NDUFAF2: variants seen among roughly 807,000 people sequenced by gnomAD.
The protein encoded by NDUFAF2 is NADH:ubiquinone oxidoreductase complex assembly factor 2.
NDUFAF2 carries 13 observed loss-of-function variants against 22.8 expected under a neutral mutation model. That is an observed-to-expected ratio of 0.57 (90% CI 0.37 to 0.91). NDUFAF2 has a LOEUF of 0.91. Ranked by LOEUF, NDUFAF2 falls within the 40% of genes least tolerant of loss-of-function variation. NDUFAF2 has a pLI of 0.01. For synonymous variants in NDUFAF2, 53 were observed against 64.2 expected, an observed-to-expected ratio of 0.83 and a Z score of 0.84; for missense variants, 162 against 195.2, an observed-to-expected ratio of 0.83 and a Z score of 1.01.
intron 1 of NDUFAF2, among the ~76,000 whole-genome samples, chr5:61,041,508 T>C (rs1751882177): frequency 6.6e-6 from 1 of 152,152 alleles, no homozygotes; most frequent in Non-Finnish European, 1.5e-5. Context: ...CTTAGAGAGA[T>C]TGTAGGTAAG....
intron 2 of NDUFAF2, among the ~76,000 whole-genome samples, chr5:61,085,865 A>T (rs548915391): frequency 6.6e-6 from 1 of 152,154 alleles, no homozygotes; most frequent in Non-Finnish European, 1.5e-5. Flanking sequence ...CTATAATCCT[A>T]GTACTTTGGG....
intron 1 of NDUFAF2, among the ~76,000 whole-genome samples, chr5:61,057,324 G>A (rs1180707162): frequency 2.0e-5 from 3 of 152,124 alleles, no homozygotes; most frequent in Non-Finnish European, 4.4e-5. Flanking sequence ...TTGGAAAACA[G>A]GATTGTAGGG....
chr5:60,996,073 A>T (rs550086524), intron 1 of NDUFAF2, among the ~76,000 whole-genome samples: 24 of 152,214 alleles, frequency 1.6e-4, no homozygotes, highest in South Asian at 6.2e-4. Context: ...GTAGGTCTAA[A>T]AATGCCATCC....
intron 1 of NDUFAF2, among the ~76,000 whole-genome samples, chr5:60,953,249 A>G (rs540143833): frequency 1.1e-4 from 16 of 152,302 alleles, no homozygotes; most frequent in East Asian, 7.7e-4. Flanking sequence ...TTACAGAGGA[A>G]GAAAGACGAA....
intron 2 of NDUFAF2, among the ~76,000 whole-genome samples, chr5:61,097,419 A>G (rs1752658151): frequency 6.6e-6 from 1 of 152,196 alleles, no homozygotes; most frequent in South Asian, 2.1e-4. Context: ...TGAATAACTT[A>G]TGTAATTCAT....
chr5:61,043,380 G>A (rs181984108), intron 1 of NDUFAF2, among the ~76,000 whole-genome samples: 1 of 152,138 alleles, frequency 6.6e-6, no homozygotes, highest in African/African-American at 2.4e-5. Context: ...ACATCCCCAA[G>A]AGTGAACCCT....
intron 1 of NDUFAF2, among the ~76,000 whole-genome samples, chr5:61,008,508 CA>C: frequency 6.6e-6 from 1 of 152,170 alleles, no homozygotes; most frequent in South Asian, 2.1e-4. Flanking sequence ...TCTCAATGTT[CA>C]AAACAATCTC....
intron 1 of NDUFAF2, among the ~76,000 whole-genome samples, chr5:60,967,986 T>G (rs1210437133): frequency 6.6e-6 from 1 of 151,666 alleles, no homozygotes; most frequent in Non-Finnish European, 1.5e-5. Flanking sequence ...TTTTCTTTAA[T>G]GAGAGACTTT....
chr5:61,139,938 G>T (rs1046181147), intron 3 of NDUFAF2, among the ~76,000 whole-genome samples: 1 of 152,198 alleles, frequency 6.6e-6, no homozygotes, highest in African/African-American at 2.4e-5. Context: ...TTCGGATAGG[G>T]GGACCACCCC....
intron 1 of NDUFAF2, among the ~76,000 whole-genome samples, chr5:60,958,404 A>T (rs959038165): frequency 6.6e-6 from 1 of 152,104 alleles, no homozygotes; most frequent in Non-Finnish European, 1.5e-5. Context: ...TTGAAAACAC[A>T]TTTTTTTCAT....
chr5:61,051,103 A>G (rs932246628), intron 1 of NDUFAF2, among the ~76,000 whole-genome samples: 5 of 152,204 alleles, frequency 3.3e-5, no homozygotes, highest in Non-Finnish European at 7.4e-5. Context: ...CAAGTGTCCA[A>G]AAATATTCTC....
chr5:61,112,106 G>T (rs934727270), intron 3 of NDUFAF2, among the ~76,000 whole-genome samples: 3 of 151,766 alleles, frequency 2.0e-5, no homozygotes, highest in Non-Finnish European at 2.9e-5. Context: ...AATAATATTT[G>T]CATTATATAT....
At chr5:61,126,459 A>G (rs1404539790) in intron 3 of NDUFAF2, among the ~76,000 whole-genome samples, 1 of 152,032 alleles carries the variant, frequency 6.6e-6, no homozygotes, top group Non-Finnish European at 1.5e-5. Context: ...ACCAAGTTAC[A>G]TGGCAGTTTA....
At chr5:61,134,235 A>T (rs1460841230) in intron 3 of NDUFAF2, among the ~76,000 whole-genome samples, 2 of 138,846 alleles carry the variant, frequency 1.4e-5, no homozygotes, top group African/African-American at 5.1e-5. Context: ...TGCTTATTTT[A>T]TAAAGAAAAA....
At chr5:60,985,415 G>A (rs1215318302) in intron 1 of NDUFAF2, among the ~76,000 whole-genome samples, 1 of 152,030 alleles carries the variant, frequency 6.6e-6, no homozygotes, top group Non-Finnish European at 1.5e-5. Context: ...TCTGATCTTA[G>A]TTATTTCTTA....
rs562685439 is a variant in NDUFAF2 at position 61,142,250 on chromosome 5, G to A, written c.259-10454G>A. Reference sequence around the variant, plus strand: ...TAGAGGCCCTTTTTGCGTATATATGGGAGTTCATTTATTTTAGTAAAGGAA... The same window carrying A: ...TAGAGGCCCTTTTTGCGTATATATGAGAGTTCATTTATTTTAGTAAAGGAA... On this transcript the variant is annotated intron_variant, in intron 3 of 3. Coordinates refer to ENST00000296597, the MANE Select transcript of NDUFAF2 (RefSeq NM_174889.5). Among the ~76,000 whole-genome samples the A allele has an allele frequency of 5.9e-5, 9 of 152,020 alleles. No individual in the cohort carries two copies. The East Asian group carries it at 1.7e-3, about 29-fold the overall frequency.
intron 1 of NDUFAF2, among the ~76,000 whole-genome samples, chr5:61,071,550 A>C (rs16878547): frequency 0.14 from 21,606 of 152,204 alleles, 1,839 homozygotes; most frequent in African/African-American, 0.24. Flanking sequence ...ATAGAATATC[A>C]GGTAGTGTAG....
chr5:61,019,746 T>C (rs1277393380), intron 1 of NDUFAF2, among the ~76,000 whole-genome samples: 2 of 152,116 alleles, frequency 1.3e-5, no homozygotes, highest in Non-Finnish European at 2.9e-5. Context: ...GATTTTTACA[T>C]ATATTCTTAT....
At chr5:61,034,266 A>T (rs1751765859) in intron 1 of NDUFAF2, among the ~76,000 whole-genome samples, 1 of 152,188 alleles carries the variant, frequency 6.6e-6, no homozygotes, top group African/African-American at 2.4e-5. Context: ...TTGACTAACT[A>T]GTACAGTTAT....
Sources: allele counts gnomAD v4.1 joint callset (sites outside exome capture counted in the v4.1 genomes callset), GRCh38; gene constraint gnomAD v4.1.1; transcripts MANE v1.5; gene names NCBI Gene and HGNC (gene_info 2026-07-23, HGNC 2026-07-21).